The following FYB1 variants were observed in gnomAD, a reference collection of about 807,000 sequenced individuals.
FYB1 encodes FYN binding protein 1.
In FYB1, 41 loss-of-function variants were observed where a neutral mutation model predicts 94.1. The observed-to-expected ratio is 0.44, with a 90% CI of 0.34 to 0.57. The LOEUF is 0.57. Ranked by LOEUF, FYB1 falls within the 20% of genes least tolerant of loss-of-function variation. The probability of loss-of-function intolerance (pLI) is 0.02; values close to 1 mark genes in which losing one functional copy is unlikely to be tolerated. For missense variants in FYB1, 1,050 were observed against 976.8 expected, an observed-to-expected ratio of 1.07 and a Z score of -1.00; for synonymous variants, 367 against 353.2, an observed-to-expected ratio of 1.04 and a Z score of -0.44.
At chr5:39,199,714 T>C (rs1028897959) in intron 2 of FYB1, among the ~76,000 whole-genome samples, 1 of 152,098 alleles carries the variant, frequency 6.6e-6, no homozygotes, top group Admixed American at 6.5e-5. Flanking sequence ...GATGGACATA[T>C]AAGAAATTAA....
chr5:39,237,974 G>A (rs1176374470), intron 1 of FYB1, among the ~76,000 whole-genome samples: 1 of 152,010 alleles, frequency 6.6e-6, no homozygotes, highest in African/African-American at 2.4e-5. Flanking sequence ...AGATATAGAA[G>A]CATTATGACA....
rs1437062950 is a variant in FYB1, at chr5:39,148,418, T to TA, written c.1292+5029dup. On this transcript the variant is annotated intron_variant, in intron 3 of 18. Coordinates refer to ENST00000512982, the MANE Select transcript of FYB1 (RefSeq NM_001465.6). Reference sequence around the variant, plus strand: ...TTTTTTTTTTTTTTTTTTTTTTTTTTAAAGAAGGAGGAAGAAATCTACATG... The same window carrying TA: ...TTTTTTTTTTTTTTTTTTTTTTTTTTAAAAGAAGGAGGAAGAAATCTACATG... Among the ~76,000 whole-genome samples the TA allele has an allele frequency of 1.1e-3, 127 of 114,966 alleles. 2 individuals are homozygous for TA. Among genetic ancestry groups the TA allele is most frequent in the Non-Finnish European group, 1.7e-3 (96 of 56,722 alleles). The allele number at this position is 114,966 out of a possible 152,430, so 75.4% of individuals were successfully genotyped here.
chr5:39,233,049 G>A lies in FYB1; in HGVS notation c.-27-30062C>T, dbSNP rs574553902. Among the ~76,000 whole-genome samples the A allele has an allele frequency of 8.7e-4, 132 of 152,204 alleles. 1 individual carries two copies. Among genetic ancestry groups the A allele is most frequent in the Middle Eastern group, 3.4e-3 (1 of 294 alleles). ...ACATACGTGTGCATGTGTCTTTATA[G>A]CAGCATGATTTAGAGTCCTTTGGGT... is the stretch of plus-strand genomic sequence containing the variant. On this transcript the variant is annotated intron_variant, in intron 1 of 1. Transcript: ENST00000510188.
At chr5:39,152,576 G>C (rs1442007949) in intron 3 of FYB1, among the ~76,000 whole-genome samples, 1 of 152,182 alleles carries the variant, frequency 6.6e-6, no homozygotes, top group East Asian at 1.9e-4. Flanking sequence ...AGTCCATTTT[G>C]TCTTAAGGAT....
chr5:39,126,328 G>A lies in FYB1; in HGVS notation c.1908-193C>T, dbSNP rs968317031. 3.3e-5 allele frequency among the ~76,000 whole-genome samples: 4 copies of A among 122,720 alleles called. No homozygotes were observed. The South Asian group carries it at 9.1e-4, about 28-fold the overall frequency. The allele number at this position is 122,720 out of a possible 152,430, so 80.5% of individuals were successfully genotyped here. On this transcript the variant is annotated intron_variant, in intron 11 of 18. Transcript: ENST00000512982. ...CATGGTGATTGAATACTGCTCCTAC[G>A]AACCTGATCATTTTTTTTTCTATCA...
At chr5:39,173,188 T>C (rs1745412748) in intron 2 of FYB1, among the ~76,000 whole-genome samples, 1 of 152,210 alleles carries the variant, frequency 6.6e-6, no homozygotes, top group Non-Finnish European at 1.5e-5. Flanking sequence ...TGATTTGCAT[T>C]TCTTTGATGA....
At chr5:39,147,562 A>C (rs1413840840) in intron 3 of FYB1, among the ~76,000 whole-genome samples, 1 of 151,622 alleles carries the variant, frequency 6.6e-6, no homozygotes, top group African/African-American at 2.4e-5. Context: ...GTTATTTAGG[A>C]TTGCTGATTC....
chr5:39,248,634 C>T (rs1256125986), intron 1 of FYB1, among the ~76,000 whole-genome samples: 1 of 152,194 alleles, frequency 6.6e-6, no homozygotes, highest in Non-Finnish European at 1.5e-5. Flanking sequence ...GTCAGGAGTT[C>T]GAGACCAGCC....
At chr5:39,214,641 G>A (rs907923668) in intron 1 of FYB1, among the ~76,000 whole-genome samples, 1 of 152,184 alleles carries the variant, frequency 6.6e-6, no homozygotes, top group African/African-American at 2.4e-5. Context: ...GAAACAACAA[G>A]TATTGGCTGG....
intron 1 of FYB1, among the ~76,000 whole-genome samples, chr5:39,203,855 T>C (rs1031980143): frequency 6.6e-6 from 1 of 152,156 alleles, no homozygotes; most frequent in Non-Finnish European, 1.5e-5. Context: ...GCAAAGATAA[T>C]AGGCATTCAT....
intron 1 of FYB1, among the ~76,000 whole-genome samples, chr5:39,236,903 C>A (rs186487671): frequency 6.6e-6 from 1 of 152,224 alleles, no homozygotes; most frequent in Admixed American, 6.6e-5. Flanking sequence ...CAAGGCCTAA[C>A]ACGTAGCAGG....
chr5:39,116,552 A>G (rs1242008216), intron 16 of FYB1, among the ~76,000 whole-genome samples: 4 of 152,196 alleles, frequency 2.6e-5, no homozygotes, highest in Admixed American at 2.6e-4. Flanking sequence ...TGATGTTCAA[A>G]TAGAAAATGA....
In FYB1 at chr5:39,257,416, A is replaced by AT. The variant is rs11357799; in HGVS notation, c.-28+16986dup. 7.3e-3 allele frequency among the ~76,000 whole-genome samples: 1,065 copies of AT among 145,562 alleles called. 5 individuals are homozygous for AT. Among genetic ancestry groups the AT allele is most frequent in the Non-Finnish European group, 0.011 (725 of 65,922 alleles). On this transcript the variant is annotated intron_variant, in intron 1 of 1. Coordinates refer to the FYB1 transcript ENST00000510188. ...TTTTGACTTAGGTTCGTCTTGCAGA[A>AT]TTTTTTTTTTTTTTTGCATGTAGAA...
chr5:39,142,555 A>C (rs1380135412), intron 3 of FYB1, among the ~76,000 whole-genome samples: 1 of 152,106 alleles, frequency 6.6e-6, no homozygotes, highest in Non-Finnish European at 1.5e-5. Context: ...CTTTGCCCTT[A>C]AATCTCTCAT....
rs183522488 is a variant in FYB1 at position 39,213,452 on chromosome 5, C to T, written c.-28+5991G>A. On this transcript the variant is annotated intron_variant, in intron 1 of 18. Transcript: ENST00000512982. ...GACCTCCTGTCCAAGAATCCCTTGT[C>T]ATTGCAAGGGATGTGATAACATTTG... is the stretch of plus-strand genomic sequence containing the variant. 3.9e-5 allele frequency among the ~76,000 whole-genome samples: 6 copies of T among 152,306 alleles called. No homozygotes were observed. In the East Asian group the frequency reaches 5.8e-4, roughly 15 times the overall value.
chr5:39,221,457 A>G (rs1009818958), upstream of FYB1, among the ~76,000 whole-genome samples: 7 of 152,216 alleles, frequency 4.6e-5, no homozygotes, highest in African/African-American at 1.2e-4. Flanking sequence ...TATAACCACT[A>G]TAGAGATAGA....
At chr5:39,136,832 T>C (rs1253983006) in intron 7 of FYB1, among the ~76,000 whole-genome samples, 1 of 152,198 alleles carries the variant, frequency 6.6e-6, no homozygotes, top group Non-Finnish European at 1.5e-5. Flanking sequence ...TCCAGAGGAA[T>C]AAAAATACTT....
At chr5:39,169,944 A>G (rs1218828652) in intron 2 of FYB1, 1 of 641,094 alleles carries the variant, frequency 1.6e-6, no homozygotes, top group African/African-American at 1.8e-5. Flanking sequence ...GTGAACTATT[A>G]AGGAAATTAA....
rs368655267 is a variant in FYB1 at position 39,118,854 on chromosome 5, T to C, written c.2401+20A>G. On this transcript the variant is annotated intron_variant, in intron 16 of 18. Transcript: ENST00000512982. ...GAGTGACATATATATGCACATATTATAGTATAAGCAGTGACTTACATTTCC... is the reference window on the plus strand; with the variant it reads ...GAGTGACATATATATGCACATATTACAGTATAAGCAGTGACTTACATTTCC... The C allele has an allele frequency of 1.2e-5, 17 of 1,409,424 alleles. No homozygotes were observed. The highest frequency in any genetic ancestry group is 2.4e-5 in the Admixed American group (1 of 41,016). The allele number at this position is 1,409,424 out of a possible 1,614,324, so 87.3% of individuals were successfully genotyped here.
Sources: gnomAD v4.1 joint callset for allele counts (sites outside exome capture counted in the v4.1 genomes callset) on GRCh38, gnomAD v4.1.1 for gene constraint, MANE v1.5 for transcripts, NCBI Gene and HGNC (gene_info 2026-07-23, HGNC 2026-07-21) for gene names.